Variants in PTPRN2 observed in about 807,000 individuals in gnomAD.
PTPRN2 encodes the protein receptor-type tyrosine-protein phosphatase N2.
Under a neutral mutation model 118.8 loss-of-function variants are expected in PTPRN2, and 74 were observed. The ratio of observed to expected loss-of-function variants is 0.62; its 90% CI spans 0.52 to 0.76. The LOEUF is 0.76. Ranked by LOEUF, PTPRN2 falls within the 30% of genes least tolerant of loss-of-function variation. The pLI is 0.00. For synonymous variants in PTPRN2, 641 were observed against 608.0 expected (o/e 1.05, Z -0.80); for missense variants, 1,481 against 1,394.4 (o/e 1.06, Z -0.99).
At chr7:158,523,410 G>GAGCGGAGTCTGCCCTGA (rs1406767518) in intron 1 of PTPRN2, among the ~76,000 whole-genome samples, 1 of 129,016 alleles carries the variant, frequency 7.8e-6, no homozygotes, top group African/African-American at 3.0e-5. Flanking sequence ...ATCTGCCCTG[G>GAGCGGAGTCTGCCCTGA]AGCGGAGTCT....
rs1337967112 is a variant in PTPRN2, at chr7:158,525,230, T to C, written c.113-35445A>G. 6.6e-6 allele frequency among the ~76,000 whole-genome samples: 1 copy of C among 152,202 alleles called. No homozygotes were observed. Among genetic ancestry groups the C allele is most frequent in the African/African-American group, 2.4e-5 (1 of 41,440 alleles). On this transcript the variant is annotated intron_variant, in intron 1 of 22. Coordinates refer to ENST00000389418, the MANE Select transcript of PTPRN2 (RefSeq NM_002847.5). The surrounding 1 kb of genome is among the most constrained non-coding windows in gnomAD (Gnocchi z 4.1). ...ACCGCTCTGGAAGGAAAAGCACCTC[T>C]GGCAAGTAGTCCAGAGGTGAAAGTT...
chr7:157,985,840 G>A lies in PTPRN2; in HGVS notation c.1724-87103C>T, dbSNP rs965579187. On this transcript the variant is annotated intron_variant, in intron 11 of 22. Transcript: ENST00000389418. Reference sequence around the variant, plus strand: ...ATAGCCCACCTGGCTGACGAGACCCGGCCTCGCTCAGAAAGCTCCTCCAAG... The same window carrying A: ...ATAGCCCACCTGGCTGACGAGACCCAGCCTCGCTCAGAAAGCTCCTCCAAG... Among the ~76,000 whole-genome samples, 144 of 152,210 alleles carry A rather than the reference G, an allele frequency of 9.5e-4. 2 individuals carry two copies. The highest frequency in any genetic ancestry group is 1.6e-4 in the Non-Finnish European group (11 of 68,020).
At chr7:158,246,038 C>T (rs1796226535) in intron 3 of PTPRN2, among the ~76,000 whole-genome samples, 1 of 152,042 alleles carries the variant, frequency 6.6e-6, no homozygotes, top group Non-Finnish European at 1.5e-5. Context: ...CGACAATAAA[C>T]ACCGCATGAT....
At chr7:158,413,676 G>A (rs968545639) in intron 2 of PTPRN2, among the ~76,000 whole-genome samples, 1 of 152,254 alleles carries the variant, frequency 6.6e-6, no homozygotes, top group Non-Finnish European at 1.5e-5. Flanking sequence ...GAAGACTTCT[G>A]TGGGTGGGAG....
chr7:158,258,164 C>T (rs1797152981), intron 3 of PTPRN2, among the ~76,000 whole-genome samples: 1 of 152,218 alleles, frequency 6.6e-6, no homozygotes, highest in African/African-American at 2.4e-5. Flanking sequence ...CCGGCTCCTT[C>T]TCACCTGGGA....
At chr7:157,828,314 C>T in intron 12 of PTPRN2, among the ~76,000 whole-genome samples, 1 of 152,188 alleles carries the variant, frequency 6.6e-6, no homozygotes, top group East Asian at 1.9e-4. Flanking sequence ...AGATGCTGAG[C>T]TGTGTCTTCA....
At position 158,517,915 on chromosome 7, in the gene PTPRN2, GAGTCC is replaced by G. The variant is rs1177252841; in HGVS notation, c.113-28135_113-28131del. 3.3e-5 allele frequency among the ~76,000 whole-genome samples: 5 copies of G among 152,146 alleles called. No individual in the cohort carries two copies. The highest frequency in any genetic ancestry group is 5.9e-5 in the Non-Finnish European group (4 of 68,030). On this transcript the variant is annotated intron_variant, in intron 1 of 22. Coordinates refer to ENST00000389418, the MANE Select transcript of PTPRN2 (RefSeq NM_002847.5). The surrounding 1 kb of genome is among the most constrained non-coding windows in gnomAD (Gnocchi z 5.3). ...CCTTCCCTCCCCCCCAGTCTGACTA[GAGTCC>G]ACTCATTTTTCAGGTACCAAGTTGC... is the stretch of plus-strand genomic sequence containing the variant.
intron 2 of PTPRN2, among the ~76,000 whole-genome samples, chr7:158,454,687 A>G (rs548283985): frequency 4.6e-5 from 7 of 152,228 alleles, no homozygotes; most frequent in Admixed American, 2.6e-4. Flanking sequence ...ACAATCACTG[A>G]TGTCAGGATT....
chr7:158,090,104 T>TG lies in PTPRN2; in HGVS notation c.1644-8728_1644-8727insC, dbSNP rs1554535720. On this transcript the variant is annotated intron_variant, in intron 10 of 22. Coordinates refer to ENST00000389418, the MANE Select transcript of PTPRN2 (RefSeq NM_002847.5). Reference sequence around the variant, plus strand: ...AAAGAGGGGGTCTTCACACACATCCTTCTTCCCCTGACAAAAGAGGGAGTC... The same window carrying TG: ...AAAGAGGGGGTCTTCACACACATCCTGTCTTCCCCTGACAAAAGAGGGAGTC... Among the ~76,000 whole-genome samples the TG allele has an allele frequency of 1.3e-3, 50 of 39,818 alleles. 15 individuals carry two copies. Among genetic ancestry groups the TG allele is most frequent in the African/African-American group, 3.0e-3 (45 of 14,816 alleles). 26.1% of individuals were successfully genotyped at this position (39,818 alleles called of 152,430 possible). A position where few individuals can be genotyped will look rare whatever the true frequency, so the allele number is the denominator to read the frequency against.
At chr7:157,880,839 T>C (rs1452920453) in intron 12 of PTPRN2, among the ~76,000 whole-genome samples, 2 of 152,238 alleles carry the variant, frequency 1.3e-5, no homozygotes, top group African/African-American at 4.8e-5. Flanking sequence ...TATTGTTTGA[T>C]ATGGTGCAGG....
intron 9 of PTPRN2, among the ~76,000 whole-genome samples, chr7:158,122,154 G>A (rs1305979346): frequency 6.6e-6 from 1 of 152,212 alleles, no homozygotes; most frequent in Non-Finnish European, 1.5e-5. Flanking sequence ...AACTTTTATG[G>A]GGTCAGGGTC....
At chr7:158,334,657 G>C (rs569082309) in intron 2 of PTPRN2, among the ~76,000 whole-genome samples, 12 of 71,132 alleles carry the variant, frequency 1.7e-4, no homozygotes, top group East Asian at 4.9e-4. Flanking sequence ...ACCATAATTG[G>C]TGACACCTGC....
chr7:157,659,055 C>T (rs774728342), intron 13 of PTPRN2, among the ~76,000 whole-genome samples: 27 of 151,992 alleles, frequency 1.8e-4, no homozygotes, highest in African/African-American at 2.7e-4. Context: ...CCCGGGCTGC[C>T]GGCTTCCTTG....
At chr7:158,407,203 CCTGGGTCCTGCGTCCTGCGTCCT>C (rs1813580086) in intron 2 of PTPRN2, among the ~76,000 whole-genome samples, 7 of 32,376 alleles carry the variant, frequency 2.2e-4, no homozygotes, top group East Asian at 1.2e-3. Context: ...GGTCCTGGGT[CCTGGGTCCTGCGTCCTGCGTCCT>C]GGGTCCTGGG....
rs1390455660 is a variant in PTPRN2, at chr7:158,411,743, G to C, written c.163+77992C>G. On this transcript the variant is annotated intron_variant, in intron 2 of 22. Coordinates refer to ENST00000389418, the MANE Select transcript of PTPRN2 (RefSeq NM_002847.5). ...CACACCCGCCTCAGATGGGAGCATG[G>C]TCTCAGGGGCCAGGGCCCAGGTCTT... Among the ~76,000 whole-genome samples the C allele has an allele frequency of 2.0e-5, 3 of 152,208 alleles. No homozygotes were observed. In the South Asian group the frequency reaches 6.2e-4, roughly 32 times the overall value.
chr7:158,202,878 A>G (rs938654715), intron 4 of PTPRN2, among the ~76,000 whole-genome samples: 18 of 152,246 alleles, frequency 1.2e-4, no homozygotes, highest in Non-Finnish European at 2.1e-4. Flanking sequence ...AGAAACAAAC[A>G]GAAAAATACA....
At chr7:158,139,775 GAAC>G (rs1216220156) in intron 6 of PTPRN2, among the ~76,000 whole-genome samples, 1 of 152,190 alleles carries the variant, frequency 6.6e-6, no homozygotes, top group African/African-American at 2.4e-5. Context: ...TGTCCTGTAA[GAAC>G]AACGTATTTC....
At chr7:157,656,778 G>T (rs952751243) in intron 13 of PTPRN2, among the ~76,000 whole-genome samples, 2 of 152,034 alleles carry the variant, frequency 1.3e-5, no homozygotes, top group Admixed American at 1.3e-4. Flanking sequence ...TGCAGGAAAA[G>T]AGAGGCCTTG....
intron 6 of PTPRN2, among the ~76,000 whole-genome samples, chr7:158,153,085 C>A (rs1821362327): frequency 6.6e-6 from 1 of 151,370 alleles, no homozygotes; most frequent in Non-Finnish European, 1.5e-5. Context: ...ACTGGGGGGA[C>A]AAGAGCAGAC....
Sources: allele counts gnomAD v4.1 joint callset (sites outside exome capture counted in the v4.1 genomes callset), GRCh38; gene constraint gnomAD v4.1.1; non-coding constraint Gnocchi (gnomAD v3.1); transcripts MANE v1.5; gene names NCBI Gene and HGNC (gene_info 2026-07-23, HGNC 2026-07-21).